The following HMBOX1 variants were observed in gnomAD, a reference collection of about 807,000 sequenced individuals.
The protein encoded by HMBOX1 is homeobox-containing protein 1.
Under a neutral mutation model 54.5 loss-of-function variants are expected in HMBOX1, and 14 were observed. The observed-to-expected ratio is 0.26, with a 90% confidence interval of 0.17 to 0.40. HMBOX1 has a LOEUF of 0.40. HMBOX1 is among the 10% of genes least tolerant of loss of function. The pLI is 1.00. For missense variants in HMBOX1, 332 were observed against 514.4 expected (o/e 0.65, Z 3.43); for synonymous variants, 160 against 181.0 (o/e 0.88, Z 0.93).
intron 1 of HMBOX1, among the ~76,000 whole-genome samples, chr8:28,955,074 T>A (rs1480831834): frequency 6.6e-6 from 1 of 152,184 alleles, no homozygotes; most frequent in Non-Finnish European, 1.5e-5. Context: ...TGTAATATTT[T>A]GACAGTTCTA....
At chr8:28,949,498 T>C (rs1823026317) in intron 1 of HMBOX1, among the ~76,000 whole-genome samples, 1 of 152,250 alleles carries the variant, frequency 6.6e-6, no homozygotes, top group Non-Finnish European at 1.5e-5. Context: ...ACTTAATAAA[T>C]TCTTATTAAT....
chr8:28,974,921 A>G (rs1431507860), intron 3 of HMBOX1, among the ~76,000 whole-genome samples: 11 of 152,192 alleles, frequency 7.2e-5, no homozygotes, highest in Non-Finnish European at 1.5e-5. Context: ...GAAAATATGG[A>G]AGATCTTAAA....
chr8:28,951,660 GAC>G (rs568792223), intron 1 of HMBOX1, among the ~76,000 whole-genome samples: 5 of 152,204 alleles, frequency 3.3e-5, no homozygotes, highest in South Asian at 2.1e-4. Context: ...ATGTGCAAAA[GAC>G]ACAGGTGTTA....
chr8:29,028,771 T>C (rs910701565), intron 6 of HMBOX1, among the ~76,000 whole-genome samples: 8 of 152,198 alleles, frequency 5.3e-5, no homozygotes, highest in Non-Finnish European at 1.2e-4. Flanking sequence ...TATGTGTAAA[T>C]AATGACAAAA....
intron 1 of HMBOX1, chr8:28,891,847 G>C (rs1430002808): frequency 6.6e-6 from 1 of 152,164 alleles, no homozygotes. Flanking sequence ...AAAGTTGAAT[G>C]GTATAAAGTG....
intron 3 of HMBOX1, among the ~76,000 whole-genome samples, chr8:28,973,818 T>TTTG (rs1827902506): frequency 7.8e-6 from 1 of 128,746 alleles, no homozygotes; most frequent in Non-Finnish European, 1.6e-5. Flanking sequence ...TTTTTTTTTT[T>TTTG]TTTTTTTTTT....
intron 4 of HMBOX1, among the ~76,000 whole-genome samples, chr8:28,980,431 T>G (rs1365825161): frequency 6.6e-6 from 1 of 152,216 alleles, no homozygotes; most frequent in Non-Finnish European, 1.5e-5. Flanking sequence ...TGCTTTTGAT[T>G]GTGACAGAGC....
At chr8:29,037,339 G>A (rs1021205910) in intron 6 of HMBOX1, among the ~76,000 whole-genome samples, 8 of 152,120 alleles carry the variant, frequency 5.3e-5, no homozygotes, top group African/African-American at 1.9e-4. Context: ...ATAGGCTAAA[G>A]TTTATTATTT....
chr8:28,931,953 T>C (rs1819545147), intron 1 of HMBOX1, among the ~76,000 whole-genome samples: 1 of 152,212 alleles, frequency 6.6e-6, no homozygotes, highest in Non-Finnish European at 1.5e-5. Context: ...CAATCTCTAC[T>C]TTGATAAGGT....
At chr8:28,965,456 AG>A (rs1342101437) in intron 2 of HMBOX1, among the ~76,000 whole-genome samples, 1 of 152,266 alleles carries the variant, frequency 6.6e-6, no homozygotes, top group Non-Finnish European at 1.5e-5. Context: ...TACACTCAAT[AG>A]ATGAGGTACA....
chr8:29,037,441 A>G (rs1276651171), intron 6 of HMBOX1, among the ~76,000 whole-genome samples: 1 of 152,178 alleles, frequency 6.6e-6, no homozygotes, highest in Non-Finnish European at 1.5e-5. Flanking sequence ...TAAAATTAGC[A>G]CGTGCTTAAT....
At chr8:29,004,256 A>G (rs1325379578) in intron 4 of HMBOX1, among the ~76,000 whole-genome samples, 1 of 152,184 alleles carries the variant, frequency 6.6e-6, no homozygotes, top group Non-Finnish European at 1.5e-5. Flanking sequence ...GACATTTTAA[A>G]TCAATGTTGT....
intron 2 of HMBOX1, among the ~76,000 whole-genome samples, chr8:28,966,283 A>G (rs1361531159): frequency 6.6e-6 from 1 of 152,200 alleles, no homozygotes; most frequent in Non-Finnish European, 1.5e-5. Flanking sequence ...TTTTCTTAGA[A>G]TATCAGTTTA....
At chr8:29,016,905 C>T (rs934003901) in intron 5 of HMBOX1, among the ~76,000 whole-genome samples, 54 of 152,286 alleles carry the variant, frequency 3.5e-4, no homozygotes, top group African/African-American at 1.3e-3. Context: ...TGCTGTTGGT[C>T]GCACAGCCTA....
upstream of HMBOX1, chr8:28,890,168 A>G: frequency 2.1e-6 from 1 of 477,024 alleles, no homozygotes; most frequent in East Asian, 3.9e-5. Flanking sequence ...CCAGCATGAT[A>G]TCATGTCTTC....
chr8:28,934,470 T>C (rs572857607), intron 1 of HMBOX1, among the ~76,000 whole-genome samples: 13 of 152,046 alleles, frequency 8.6e-5, no homozygotes, highest in African/African-American at 2.7e-4. Context: ...ACCAGTAAAA[T>C]AGGAAAATAA....
intron 6 of HMBOX1, among the ~76,000 whole-genome samples, chr8:29,033,729 G>T (rs1803388287): frequency 6.6e-6 from 1 of 152,002 alleles, no homozygotes; most frequent in African/African-American, 2.4e-5. Context: ...AATTAAACAG[G>T]GCAAAAGACC....
intron 6 of HMBOX1, among the ~76,000 whole-genome samples, chr8:29,026,314 T>C (rs758748424): frequency 1.8e-4 from 28 of 151,940 alleles, no homozygotes; most frequent in Non-Finnish European, 1.6e-4. Flanking sequence ...GGCAAACCTA[T>C]AGAGACAGAA....
chr8:29,041,873 T>C (rs1417805723), intron 6 of HMBOX1, among the ~76,000 whole-genome samples: 1 of 152,104 alleles, frequency 6.6e-6, no homozygotes. Context: ...CTGAACAGGA[T>C]AGTGACTAGA....
Sources: gnomAD v4.1 joint callset for allele counts (sites outside exome capture counted in the v4.1 genomes callset) on GRCh38, gnomAD v4.1.1 for gene constraint, MANE v1.5 for transcripts, NCBI Gene and HGNC (gene_info 2026-07-23, HGNC 2026-07-21) for gene names.